XPO4: variants seen among roughly 807,000 people sequenced by gnomAD.
XPO4 encodes exportin 4.
In XPO4, 39 loss-of-function variants were observed where a neutral mutation model predicts 143.0. The ratio of observed to expected loss-of-function variants is 0.27; its 90% confidence interval spans 0.21 to 0.36. The LOEUF is 0.36. XPO4 is among the 10% of genes least tolerant of loss of function. The pLI, the probability that XPO4 is intolerant of heterozygous loss-of-function variation, is 1.00. For synonymous variants in XPO4, 439 were observed against 474.0 expected (o/e 0.93, Z 0.96); for missense variants, 907 against 1,348.0 (o/e 0.67, Z 5.12).
At chr13:20,799,414 G>A in intron 15 of XPO4, 75 bp from the exon 16 acceptor site, 7 of 1,253,656 alleles carry the variant, frequency 5.6e-6, no homozygotes, top group South Asian at 4.4e-5. Context: ...TACACACAAA[G>A]AAAACAAAAA....
intron 1 of XPO4, among the ~76,000 whole-genome samples, chr13:20,875,443 A>C (rs1417362724): frequency 6.6e-6 from 1 of 152,186 alleles, no homozygotes; most frequent in Non-Finnish European, 1.5e-5. Flanking sequence ...CCTTTCAAAA[A>C]GAGTCTTCTA....
chr13:20,796,466 G>T (rs1255079049), intron 17 of XPO4, among the ~76,000 whole-genome samples: 1 of 151,220 alleles, frequency 6.6e-6, no homozygotes, highest in Non-Finnish European at 1.5e-5. Context: ...TTTAGGACAA[G>T]AATTTATATT....
intron 1 of XPO4, among the ~76,000 whole-genome samples, chr13:20,882,675 G>T (rs2060423650): frequency 6.6e-6 from 1 of 152,070 alleles, no homozygotes; most frequent in Non-Finnish European, 1.5e-5. Context: ...GTCACCTGGG[G>T]TCAGGAGTTT....
chr13:20,794,664 G>A (rs1028742909), intron 18 of XPO4, among the ~76,000 whole-genome samples: 1 of 152,186 alleles, frequency 6.6e-6, no homozygotes, highest in Non-Finnish European at 1.5e-5. Flanking sequence ...GCCTGAGGTT[G>A]AGGCTGCACA....
chr13:20,864,239 G>C (rs2060225918), intron 2 of XPO4, among the ~76,000 whole-genome samples: 1 of 151,692 alleles, frequency 6.6e-6, no homozygotes, highest in African/African-American at 2.4e-5. Flanking sequence ...AAAAAAAAAG[G>C]GGGACCCAGT....
intron 1 of XPO4, among the ~76,000 whole-genome samples, chr13:20,894,289 T>C (rs996159279): frequency 1.3e-5 from 2 of 152,212 alleles, no homozygotes; most frequent in East Asian, 3.8e-4. Flanking sequence ...CTATCTCTTT[T>C]TCAGAATAAA....
Position 20,862,686 on chromosome 13 carries a change from G to C in XPO4, c.317+31C>G, listed in dbSNP as rs553192780. ...AAAGATACACATAAGCTCAGCAAAAGTATTTCAGCAGTCCCCCTCCATGTA... is the reference window on the plus strand; with the variant it reads ...AAAGATACACATAAGCTCAGCAAAACTATTTCAGCAGTCCCCCTCCATGTA... On this transcript the variant is annotated intron_variant, in intron 3 of 22. Coordinates refer to ENST00000255305, the MANE Select transcript of XPO4 (RefSeq NM_022459.5). 50 of 1,612,746 alleles carry C rather than the reference G, an allele frequency of 3.1e-5. No homozygotes were observed. The South Asian group carries it at 5.3e-4, about 17-fold the overall frequency.
intron 4 of XPO4, chr13:20,852,444 A>C (rs1275165090): frequency 1.0e-6 from 1 of 985,324 alleles, no homozygotes; most frequent in African/African-American, 1.7e-5. Flanking sequence ...ATGATGACCA[A>C]CATTGGATAA....
chr13:20,876,093 CAA>C (rs11301411), intron 1 of XPO4, among the ~76,000 whole-genome samples: 9,268 of 90,928 alleles, frequency 0.1, 846 homozygotes, highest in African/African-American at 0.31. Context: ...CTACTAAATA[CAA>C]AAAAAAAAAA....
At chr13:20,816,547 A>C (rs1157392178) in intron 9 of XPO4, among the ~76,000 whole-genome samples, 2 of 152,268 alleles carry the variant, frequency 1.3e-5, no homozygotes, top group Non-Finnish European at 2.9e-5. Context: ...AAATGGATTT[A>C]GTAGACAAGT....
chr13:20,858,073 T>C (rs1034699416), intron 3 of XPO4: 1 of 776,318 alleles, frequency 1.3e-6, no homozygotes, highest in Non-Finnish European at 1.6e-6. Context: ...CAAATATCTG[T>C]GTCATGAAAG....
intron 7 of XPO4, among the ~76,000 whole-genome samples, chr13:20,824,688 TA>T (rs1313658339): frequency 3.9e-5 from 6 of 152,044 alleles, no homozygotes; most frequent in African/African-American, 1.4e-4. Flanking sequence ...AACTGTATCA[TA>T]AAACGGAAAG....
intron 1 of XPO4, among the ~76,000 whole-genome samples, chr13:20,882,733 C>T (rs2060424258): frequency 6.6e-6 from 1 of 151,944 alleles, no homozygotes; most frequent in Non-Finnish European, 1.5e-5. Flanking sequence ...ACTAAAAATA[C>T]AAAAATTAGC....
In XPO4 at chr13:20,831,317, C is replaced by G. The variant is rs531733701; in HGVS notation, c.728-4138G>C. On this transcript the variant is annotated intron_variant, in intron 6 of 22. Coordinates refer to ENST00000255305, the MANE Select transcript of XPO4 (RefSeq NM_022459.5). ...AACAATAGTTTCCTTTTAAAACTTT[C>G]AAAAGTTTGGTTTATAGTCACCACT... Among the ~76,000 whole-genome samples the G allele has an allele frequency of 5.9e-5, 9 of 152,208 alleles. No homozygotes were observed. The South Asian group carries it at 1.9e-3, about 32-fold the overall frequency.
chr13:20,835,689 A>T (rs1424728053), intron 6 of XPO4, among the ~76,000 whole-genome samples: 1 of 152,224 alleles, frequency 6.6e-6, no homozygotes, highest in South Asian at 2.1e-4. Flanking sequence ...ATATCTATAT[A>T]GTTCAGTTGA....
intron 4 of XPO4, among the ~76,000 whole-genome samples, chr13:20,847,079 A>T (rs1220920396): frequency 2.0e-5 from 3 of 152,182 alleles, no homozygotes; most frequent in Non-Finnish European, 4.4e-5. Context: ...TAATTTGGAA[A>T]TCCTGTAGGA....
intron 4 of XPO4, among the ~76,000 whole-genome samples, chr13:20,846,405 C>G (rs1045080431): frequency 4.6e-5 from 7 of 152,200 alleles, no homozygotes; most frequent in African/African-American, 1.7e-4. Flanking sequence ...GCTACTCCTG[C>G]AACTACAAAC....
chr13:20,859,972 C>T, intron 3 of XPO4: 1 of 405,482 alleles, frequency 2.5e-6, no homozygotes, highest in Non-Finnish European at 3.3e-6. Context: ...GACAACTAAA[C>T]AGCTCCACAA....
chr13:20,837,920 C>T (rs1305345662), intron 6 of XPO4, among the ~76,000 whole-genome samples: 1 of 152,058 alleles, frequency 6.6e-6, no homozygotes, highest in Non-Finnish European at 1.5e-5. Flanking sequence ...TATGGGAGTA[C>T]AATTCAAGAT....
Sources: allele counts gnomAD v4.1 joint callset (sites outside exome capture counted in the v4.1 genomes callset), GRCh38; gene constraint gnomAD v4.1.1; transcripts MANE v1.5; gene names NCBI Gene and HGNC (gene_info 2026-07-23, HGNC 2026-07-21).